Variants in KCNMA1 observed in about 807,000 individuals in gnomAD.
KCNMA1 encodes Calcium-activated potassium channel subunit alpha-1.
KCNMA1 carries 29 observed loss-of-function variants against 140.0 expected under a neutral mutation model. The observed-to-expected ratio is 0.21, with a 90% confidence interval of 0.15 to 0.28. KCNMA1 has a LOEUF of 0.28. Among genes scored for constraint, KCNMA1 ranks in the 10% least tolerant of loss-of-function variants. KCNMA1 has a pLI of 1.00. For synonymous variants in KCNMA1, 612 were observed against 611.9 expected, an observed-to-expected ratio of 1.00 and a Z score of 0.00; for missense variants, 880 against 1,602.2, an observed-to-expected ratio of 0.55 and a Z score of 7.70.
chr10:77,408,114 G>A (rs558549302), intron 1 of KCNMA1, among the ~76,000 whole-genome samples: 14 of 152,232 alleles, frequency 9.2e-5, no homozygotes, highest in East Asian at 1.9e-4. Context: ...CTTCTGACTC[G>A]CCCCATTAGA....
At chr10:76,903,620 T>G (rs2046522608) in intron 25 of KCNMA1, 1 of 152,250 alleles carries the variant, frequency 6.6e-6, no homozygotes, top group South Asian at 2.1e-4. Flanking sequence ...GTGTGAGCAG[T>G]TGAAATGGAG....
chr10:77,518,614 G>A (rs1436881383), intron 1 of KCNMA1, among the ~76,000 whole-genome samples: 2 of 152,340 alleles, frequency 1.3e-5, no homozygotes, highest in African/African-American at 4.8e-5. Context: ...GCACAGGACT[G>A]GAAGGGAGGA....
intron 1 of KCNMA1, among the ~76,000 whole-genome samples, chr10:77,599,939 G>C (rs2082117561): frequency 6.6e-6 from 1 of 152,100 alleles, no homozygotes. Flanking sequence ...CCTCCATCCT[G>C]AACTCTCACT....
chr10:77,226,304 A>G (rs2051378086), intron 3 of KCNMA1, among the ~76,000 whole-genome samples: 1 of 152,108 alleles, frequency 6.6e-6, no homozygotes, highest in Admixed American at 6.5e-5. Flanking sequence ...TAAGAGATGT[A>G]TACATCCCTT....
chr10:77,371,631 T>C (rs1271207719), intron 2 of KCNMA1, among the ~76,000 whole-genome samples: 1 of 152,150 alleles, frequency 6.6e-6, no homozygotes, highest in Non-Finnish European at 1.5e-5. Flanking sequence ...CTTGCTCCAC[T>C]GGTCAAAGTC....
chr10:77,066,582 G>A (rs1214536679), intron 14 of KCNMA1, among the ~76,000 whole-genome samples: 3 of 152,076 alleles, frequency 2.0e-5, no homozygotes, highest in Non-Finnish European at 4.4e-5. Context: ...CAGGGGAGAG[G>A]TTCTTCATGG....
intron 2 of KCNMA1, among the ~76,000 whole-genome samples, chr10:77,336,909 T>C (rs1478162385): frequency 6.6e-6 from 1 of 152,178 alleles, no homozygotes; most frequent in Admixed American, 6.5e-5. Context: ...GTCAAAAGCA[T>C]TGTGAAGGTC....
chr10:77,416,124 A>G (rs1006457615), intron 1 of KCNMA1, among the ~76,000 whole-genome samples: 2 of 152,148 alleles, frequency 1.3e-5, no homozygotes, highest in Non-Finnish European at 2.9e-5. Flanking sequence ...AGGAAATTTA[A>G]GGCCCCAATA....
intron 2 of KCNMA1, among the ~76,000 whole-genome samples, chr10:77,398,364 T>C (rs2096139927): frequency 6.6e-6 from 1 of 152,080 alleles, no homozygotes; most frequent in South Asian, 2.1e-4. Context: ...ACATCTGTTA[T>C]TTTTTGTCTT....
intron 5 of KCNMA1, among the ~76,000 whole-genome samples, chr10:77,169,570 T>C (rs181375543): frequency 1.3e-5 from 2 of 151,890 alleles, no homozygotes; most frequent in African/African-American, 4.8e-5. Context: ...TTTAAAAAAA[T>C]TTTTGTAGAG....
chr10:76,941,051 A>AAGAAAGAAAG lies in KCNMA1; in HGVS notation c.2902+3721_2902+3722insCTTTCTTTCT, dbSNP rs1227472631. ...AAAGAAAGAAAGAAAGAAAGAAAGA[A>AAGAAAGAAAG]AGAGAAAGAAAGAAAGAAAAAGAAA... is the stretch of plus-strand genomic sequence containing the variant. On this transcript the variant is annotated intron_variant, in intron 23 of 27. Coordinates refer to ENST00000286628, the MANE Select transcript of KCNMA1 (RefSeq NM_001161352.2). Among the ~76,000 whole-genome samples the AAGAAAGAAAG allele has an allele frequency of 4.8e-4, 30 of 62,946 alleles. 2 individuals carry two copies. In the East Asian group the frequency reaches 0.019, roughly 40 times the overall value. 41.3% of individuals were successfully genotyped at this position (62,946 alleles called of 152,430 possible). A position where few individuals can be genotyped will look rare whatever the true frequency, so the allele number is the denominator to read the frequency against.
At chr10:77,427,194 T>A (rs949766093) in intron 1 of KCNMA1, among the ~76,000 whole-genome samples, 6 of 152,086 alleles carry the variant, frequency 3.9e-5, no homozygotes, top group African/African-American at 1.4e-4. Context: ...ACTTATATAT[T>A]CCCCAGAGCC....
At chr10:77,081,735 T>G (rs2096571352) in intron 12 of KCNMA1, among the ~76,000 whole-genome samples, 1 of 152,206 alleles carries the variant, frequency 6.6e-6, no homozygotes, top group Non-Finnish European at 1.5e-5. Context: ...TCAAGGACTT[T>G]GAGCCTCTGT....
intron 19 of KCNMA1, among the ~76,000 whole-genome samples, chr10:76,973,372 C>T (rs910296467): frequency 6.6e-5 from 10 of 152,268 alleles, no homozygotes; most frequent in African/African-American, 1.9e-4. Flanking sequence ...AACTTCCCAG[C>T]GCTCCCTTGT....
intron 1 of KCNMA1, among the ~76,000 whole-genome samples, chr10:77,506,583 G>GAA (rs2045925631): frequency 9.1e-6 from 1 of 109,308 alleles, no homozygotes. Context: ...GAGAGAGAGA[G>GAA]AGAGAGAGAG....
intron 15 of KCNMA1, among the ~76,000 whole-genome samples, chr10:77,028,775 T>A (rs914678072): frequency 1.3e-5 from 2 of 152,136 alleles, no homozygotes; most frequent in African/African-American, 2.4e-5. Context: ...TGTTTGGAAT[T>A]CTCCATAGTG....
At chr10:76,895,469 A>G (rs1489803424) in intron 25 of KCNMA1, among the ~76,000 whole-genome samples, 1 of 152,220 alleles carries the variant, frequency 6.6e-6, no homozygotes, top group African/African-American at 2.4e-5. Flanking sequence ...ATATATGTCC[A>G]TATGAAAACG....
chr10:77,627,775 C>T (rs1009976568), intron 1 of KCNMA1, among the ~76,000 whole-genome samples: 7 of 152,148 alleles, frequency 4.6e-5, no homozygotes, highest in African/African-American at 1.7e-4. Flanking sequence ...CCAAGTTCAT[C>T]GTAAGGTGGG....
intron 16 of KCNMA1, among the ~76,000 whole-genome samples, chr10:77,023,177 T>C (rs964394503): frequency 7.2e-5 from 11 of 152,184 alleles, no homozygotes; most frequent in African/African-American, 2.7e-4. Flanking sequence ...TGGAGGAAAG[T>C]AATGCATTCC....
Sources: allele counts gnomAD v4.1 joint callset (sites outside exome capture counted in the v4.1 genomes callset), GRCh38; gene constraint gnomAD v4.1.1; transcripts MANE v1.5; gene names NCBI Gene and HGNC (gene_info 2026-07-23, HGNC 2026-07-21).